TYR: variants seen among roughly 807,000 people sequenced by gnomAD.
TYR encodes LB24-AB.
TYR carries 58 observed loss-of-function variants against 51.5 expected under a neutral mutation model. The ratio of observed to expected loss-of-function variants is 1.13; its 90% CI spans 0.91 to 1.40. The LOEUF (loss-of-function observed/expected upper bound fraction) is 1.40. TYR is among the 40% of genes most tolerant of loss of function. The pLI is 0.00. For synonymous variants in TYR, 263 were observed against 235.2 expected, an observed-to-expected ratio of 1.12 and a Z score of -1.08; for missense variants, 732 against 647.4, an observed-to-expected ratio of 1.13 and a Z score of -1.42.
chr11:89,232,072 G>T (rs1298408283), intron 3 of TYR, among the ~76,000 whole-genome samples: 4 of 142,204 alleles, frequency 2.8e-5, no homozygotes, highest in Non-Finnish European at 6.0e-5. Context: ...CTTGAAAATT[G>T]CTAAGAAAGT....
intron 2 of TYR, among the ~76,000 whole-genome samples, chr11:89,227,122 A>G (rs1943986721): frequency 6.6e-6 from 1 of 152,150 alleles, no homozygotes; most frequent in South Asian, 2.1e-4. Flanking sequence ...ATTTCTAACC[A>G]ACAGAGTTAC....
intron 3 of TYR, among the ~76,000 whole-genome samples, chr11:89,237,828 TTTTA>T (rs370141190): frequency 0.033 from 4,968 of 151,742 alleles, 156 homozygotes; most frequent in African/African-American, 0.079. Flanking sequence ...ATTTTATTAT[TTTTA>T]TTTATTTATT....
At chr11:89,245,870 A>G (rs1017229927) in intron 3 of TYR, among the ~76,000 whole-genome samples, 7 of 151,908 alleles carry the variant, frequency 4.6e-5, no homozygotes, top group Middle Eastern at 3.2e-3. Flanking sequence ...GCAATGAGCC[A>G]AGATCACGCT....
At chr11:89,269,206 A>G (rs75380419) in intron 3 of TYR, among the ~76,000 whole-genome samples, 3,148 of 152,036 alleles carry the variant, frequency 0.021, 134 homozygotes, top group African/African-American at 0.073. Flanking sequence ...ACCACTTCAC[A>G]GGTAAGAGGG....
intron 3 of TYR, among the ~76,000 whole-genome samples, chr11:89,230,458 A>T (rs1283650854): frequency 3.9e-5 from 6 of 152,120 alleles, no homozygotes; most frequent in Non-Finnish European, 7.4e-5. Flanking sequence ...AAGTTCCAAG[A>T]CTTTGGTCTG....
chr11:89,179,899 T>C (rs1179359125), intron 1 of TYR, among the ~76,000 whole-genome samples: 1 of 152,194 alleles, frequency 6.6e-6, no homozygotes. Context: ...AAATTTCTAA[T>C]ACAGCACTTT....
intron 3 of TYR, among the ~76,000 whole-genome samples, chr11:89,229,456 T>C (rs1037840835): frequency 3.3e-5 from 5 of 152,034 alleles, no homozygotes; most frequent in Non-Finnish European, 7.4e-5. Context: ...TTGCCATTTT[T>C]AATATCTAGA....
At chr11:89,241,542 C>T (rs796514242) in intron 3 of TYR, among the ~76,000 whole-genome samples, 11 of 151,946 alleles carry the variant, frequency 7.2e-5, no homozygotes, top group African/African-American at 2.4e-4. Flanking sequence ...TGAATCTATT[C>T]ACTCATTAAT....
chr11:89,185,995 A>G (rs1159352553), intron 1 of TYR, among the ~76,000 whole-genome samples: 1 of 152,122 alleles, frequency 6.6e-6, no homozygotes, highest in Non-Finnish European at 1.5e-5. Flanking sequence ...TTTTAAAGTC[A>G]GAGTCAACAA....
At chr11:89,275,345 T>C (rs1011300225) in intron 3 of TYR, among the ~76,000 whole-genome samples, 4 of 151,826 alleles carry the variant, frequency 2.6e-5, no homozygotes, top group African/African-American at 9.7e-5. Flanking sequence ...AATTACTAAT[T>C]TCTTGCATGT....
intron 2 of TYR, among the ~76,000 whole-genome samples, chr11:89,197,915 C>G (rs1377999587): frequency 6.6e-6 from 1 of 152,048 alleles, no homozygotes; most frequent in Non-Finnish European, 1.5e-5. Context: ...TCTCTAGAAC[C>G]TTAACTTTTT....
chr11:89,278,977 T>G (rs1442846773), intron 3 of TYR, among the ~76,000 whole-genome samples: 2 of 151,750 alleles, frequency 1.3e-5, no homozygotes, highest in East Asian at 3.9e-4. Context: ...TCTGATTTTT[T>G]TCTCATGATT....
intron 3 of TYR, among the ~76,000 whole-genome samples, chr11:89,240,950 T>C (rs1451127430): frequency 6.6e-6 from 1 of 152,166 alleles, no homozygotes; most frequent in Non-Finnish European, 1.5e-5. Context: ...AACAAAAAAC[T>C]TTCTGGCGTG....
At chr11:89,216,905 C>G (rs1943839665) in intron 2 of TYR, among the ~76,000 whole-genome samples, 1 of 151,978 alleles carries the variant, frequency 6.6e-6, no homozygotes, top group South Asian at 2.1e-4. Context: ...TTATCATGAT[C>G]AAACAGACAT....
intron 3 of TYR, among the ~76,000 whole-genome samples, chr11:89,250,068 A>G (rs1276505495): frequency 1.3e-5 from 2 of 152,046 alleles, no homozygotes; most frequent in Non-Finnish European, 2.9e-5. Flanking sequence ...GACTAGGAGA[A>G]TAAGAATTAG....
rs200960909 is a variant in TYR, at chr11:89,178,077, G to A, written c.124G>A (p.Asp42Asn). Residue 42 changes from aspartate (D) to asparagine (N), a missense_variant, in exon 1 of 5, where the codon GAC becomes AAC. Asp to Asn is a conservative substitution (Grantham distance 23, BLOSUM62 1). Transcript: ENST00000263321. ...EKECCPPWSGDRSPCGQLSGR... is the reference protein window; with the variant it reads ...EKECCPPWSGNRSPCGQLSGR... ...GGAATGCTGTCCACCGTGGAGCGGG[G>A]ACAGGAGTCCCTGTGGCCAGCTTTC... is the stretch of plus-strand genomic sequence containing the variant. The A allele has an allele frequency of 6.8e-6, 11 of 1,614,200 alleles. No individual in the cohort carries two copies. The highest frequency in any genetic ancestry group is 4.5e-5 in the East Asian group (2 of 44,866).
intron 3 of TYR, among the ~76,000 whole-genome samples, chr11:89,262,857 A>AAC (rs1436316552): frequency 2.1e-5 from 3 of 144,778 alleles, no homozygotes; most frequent in Non-Finnish European, 4.5e-5. Flanking sequence ...CAAAAAAAAA[A>AAC]AAAAAAAAAA....
chr11:89,206,792 C>G (rs1017739338), intron 2 of TYR, among the ~76,000 whole-genome samples: 12 of 152,044 alleles, frequency 7.9e-5, no homozygotes, highest in African/African-American at 2.4e-4. Context: ...GTTCTCCTAC[C>G]CCAATGGAAT....
intron 4 of TYR, among the ~76,000 whole-genome samples, chr11:89,285,882 G>A (rs1190732831): frequency 9.9e-5 from 15 of 151,774 alleles, no homozygotes; most frequent in Admixed American, 9.9e-4. Context: ...TTATGGGTAG[G>A]AGGTATTTAA....
Sources: allele counts gnomAD v4.1 joint callset (sites outside exome capture counted in the v4.1 genomes callset), GRCh38; gene constraint gnomAD v4.1.1; transcripts MANE v1.5; gene names NCBI Gene and HGNC (gene_info 2026-07-23, HGNC 2026-07-21).